The following GJB6 variants were observed in gnomAD, a reference collection of about 807,000 sequenced individuals.
GJB6 encodes gap junction protein beta 6.
Under a neutral mutation model 5.4 loss-of-function variants are expected in GJB6, and 5 were observed. That is an observed-to-expected ratio of 0.92 (90% CI 0.48 to 1.93). The LOEUF (loss-of-function observed/expected upper bound fraction) is 1.93, where lower values mean the gene tolerates loss of function less well. GJB6 is among the 30% of genes most tolerant of loss of function. GJB6 has a pLI of 0.01. For synonymous variants in GJB6, 136 were observed against 129.6 expected (o/e 1.05, Z -0.34); for missense variants, 298 against 326.9 (o/e 0.91, Z 0.68).
chr13:20,223,220 T>A lies in GJB6; in HGVS notation c.261A>T (p.Pro87=), dbSNP rs777309137. The A allele has an allele frequency of 1.2e-5, 19 of 1,610,566 alleles. No individual in the cohort carries two copies. The East Asian group carries it at 4.2e-4, about 36-fold the overall frequency. ...CCACATGCATGGCCACCAGCAGCGCTGGGGTGGAGACGAAGATCAGCTGGA... is the reference window on the plus strand; with the variant it reads ...CCACATGCATGGCCACCAGCAGCGCAGGGGTGGAGACGAAGATCAGCTGGA... ...WALQLIFVST[P]ALLVAMHVAY... The change falls in exon 5 of 5, where the codon CCA becomes CCT. Residue 87 remains proline (P), a synonymous_variant. Coordinates refer to ENST00000647029, the MANE Select transcript of GJB6 (RefSeq NM_001110219.3).
At chr13:20,226,945 G>A (rs945370) in intron 4 of GJB6, among the ~76,000 whole-genome samples, 50,591 of 151,956 alleles carry the variant, frequency 0.33, 9,722 homozygotes, top group Admixed American at 0.52. Context: ...ACGGCACCCC[G>A]TGGTCCCCTG....
rs773325500 is a variant in GJB6 at position 20,223,376 on chromosome 13, G to A, written c.105C>T (p.Ile35=). ...ITVIFIFRVM[I]LVVAAQEVWG... is the part of the protein sequence containing the mutation. ...ACACTTCCTGGGCAGCCACCACGAG[G>A]ATCATGACTCGGAAAATAAAGATGA... Residue 35 remains isoleucine, a synonymous_variant, in exon 5 of 5, where the codon ATC becomes ATT. Transcript: ENST00000647029. The A allele has an allele frequency of 6.2e-7, 1 of 1,614,128 alleles. No homozygotes were observed.
At chr13:20,228,010 C>T (rs1198992369) in intron 4 of GJB6, among the ~76,000 whole-genome samples, 1 of 35,846 alleles carries the variant, frequency 2.8e-5, no homozygotes, top group Non-Finnish European at 5.8e-5. Flanking sequence ...AAAGAAAGCG[C>T]CCAGCCCCCA....
chr13:20,222,541 G>C lies in GJB6; in HGVS notation c.*154C>G, dbSNP rs1340654531. On this transcript the variant is annotated 3_prime_UTR_variant, in exon 5 of 5. Transcript: ENST00000647029. ...TTTGATTACGTTGTGTATGAATGGA[G>C]CAAGTATCCTACAAAAAGTTAACTC... The C allele has an allele frequency of 1.5e-6, 1 of 666,190 alleles. No individual in the cohort carries two copies. The highest frequency in any genetic ancestry group is 2.7e-6 in the Non-Finnish European group (1 of 372,848). The allele number at this position is 666,190 out of a possible 1,614,324, so 41.3% of individuals were successfully genotyped here.
chr13:20,227,599 G>A (rs1869681367), intron 4 of GJB6, among the ~76,000 whole-genome samples: 2 of 152,168 alleles, frequency 1.3e-5, no homozygotes, highest in Admixed American at 1.3e-4. Context: ...GTGAGACAGT[G>A]GCTCTTTCCA....
chr13:20,229,939 C>G lies in GJB6; in HGVS notation c.-185-190G>C, dbSNP rs539917082. ...TGAACACACAAAATAATCAAAGGTGCTCTTTAGTAGGATCCTTTCCCTATC... is the reference window on the plus strand; with the variant it reads ...TGAACACACAAAATAATCAAAGGTGGTCTTTAGTAGGATCCTTTCCCTATC... On this transcript the variant is annotated intron_variant, in intron 3 of 4. Coordinates refer to ENST00000647029, the MANE Select transcript of GJB6 (RefSeq NM_001110219.3). 2.0e-5 allele frequency: 3 copies of G among 152,054 alleles called. No homozygotes were observed. In the South Asian group the frequency reaches 6.2e-4, roughly 32 times the overall value. 9.4% of individuals were successfully genotyped at this position (152,054 alleles called of 1,614,324 possible).
intron 4 of GJB6, among the ~76,000 whole-genome samples, chr13:20,229,009 T>G (rs1311579135): frequency 6.6e-6 from 1 of 150,960 alleles, no homozygotes; most frequent in Non-Finnish European, 1.5e-5. Context: ...CTTATTTATC[T>G]ATGCCATTAT....
intron 4 of GJB6, among the ~76,000 whole-genome samples, chr13:20,228,562 C>T (rs551784428): frequency 2.7e-4 from 41 of 151,640 alleles, no homozygotes; most frequent in Non-Finnish European, 4.9e-4. Context: ...CGGCTCACTG[C>T]AAGCTCCGCC....
At position 20,222,700 on chromosome 13, in the gene GJB6, T is replaced by A. The variant is rs143962007; in HGVS notation, c.781A>T (p.Ser261Cys). The stretch of plus-strand genomic sequence containing the variant: ...TACATTTTACCTTGAAATGTTTAGC[T>A]TGGGAAACCTGTGATTGCATTTTGA... ...SGQNAITGFP[S>C] The change falls in exon 5 of 5, where the codon AGC (serine) becomes TGC (cysteine). Residue 261 changes from serine to cysteine, a missense_variant. Ser to Cys is a moderately radical substitution (Grantham distance 112). Transcript: ENST00000647029. 1.2e-6 allele frequency: 2 copies of A among 1,613,998 alleles called. No individual in the cohort carries two copies. Among genetic ancestry groups the A allele is most frequent in the Non-Finnish European group, 8.5e-7 (1 of 1,179,828 alleles).
chr13:20,227,219 G>A (rs945368), intron 4 of GJB6, among the ~76,000 whole-genome samples: 1 of 151,772 alleles, frequency 6.6e-6, no homozygotes, highest in African/African-American at 2.4e-5. Context: ...AAGCCACACG[G>A]TCTGAGGGTG....
intron 4 of GJB6, among the ~76,000 whole-genome samples, chr13:20,224,398 A>C (rs1869436720): frequency 6.6e-6 from 1 of 152,244 alleles, no homozygotes; most frequent in Non-Finnish European, 1.5e-5. Flanking sequence ...ACTACTGAGA[A>C]AGCCTCTTCT....
chr13:20,228,640 A>T (rs776348154), intron 4 of GJB6, among the ~76,000 whole-genome samples: 2 of 150,536 alleles, frequency 1.3e-5, no homozygotes, highest in Non-Finnish European at 3.0e-5. Context: ...GCCTGCCACC[A>T]AGCCCGGCTA....
At chr13:20,227,212 C>T (rs184691122) in intron 4 of GJB6, among the ~76,000 whole-genome samples, 1 of 152,108 alleles carries the variant, frequency 6.6e-6, no homozygotes, top group African/African-American at 2.4e-5. Context: ...GGTCCCCAAG[C>T]CACACGGTCT....
rs543659673 is a variant in GJB6, at chr13:20,223,370, C to T, written c.111G>A (p.Val37=). 1.1e-4 allele frequency: 180 copies of T among 1,614,170 alleles called. 1 individual carries two copies. In the South Asian group the frequency reaches 1.9e-3, roughly 17 times the overall value. ...VIFIFRVMIL[V]VAAQEVWGDE... is the part of the protein sequence containing the mutation. Reference sequence around the variant, plus strand: ...CACCCCACACTTCCTGGGCAGCCACCACGAGGATCATGACTCGGAAAATAA... The same window carrying T: ...CACCCCACACTTCCTGGGCAGCCACTACGAGGATCATGACTCGGAAAATAA... Residue 37 remains valine, a synonymous_variant, in exon 5 of 5, where the codon GTG becomes GTA. Coordinates refer to ENST00000647029, the MANE Select transcript of GJB6 (RefSeq NM_001110219.3).
chr13:20,225,023 C>T (rs547614320), intron 4 of GJB6, among the ~76,000 whole-genome samples: 1 of 152,326 alleles, frequency 6.6e-6, no homozygotes, highest in Middle Eastern at 3.4e-3. Flanking sequence ...AGTGCCTTGG[C>T]CTCAGAGTGG....
chr13:20,227,038 G>A (rs1869632168), intron 4 of GJB6, among the ~76,000 whole-genome samples: 1 of 152,094 alleles, frequency 6.6e-6, no homozygotes, highest in Non-Finnish European at 1.5e-5. Flanking sequence ...TAAAGTCACA[G>A]AAAAGGTCAA....
At chr13:20,225,968 G>A (rs895164999) in intron 4 of GJB6, among the ~76,000 whole-genome samples, 10 of 152,174 alleles carry the variant, frequency 6.6e-5, no homozygotes, top group African/African-American at 2.4e-4. Flanking sequence ...GCACAAGGTT[G>A]CGAAAAAGAG....
chr13:20,228,908 A>T (rs1240009874), intron 4 of GJB6, among the ~76,000 whole-genome samples: 2 of 152,010 alleles, frequency 1.3e-5, no homozygotes, highest in South Asian at 4.1e-4. Flanking sequence ...TTCCTTTTAC[A>T]ATTCAAATAA....
intron 1 of GJB6, among the ~76,000 whole-genome samples, chr13:20,231,900 G>A (rs180741499): frequency 8.5e-5 from 13 of 152,372 alleles, no homozygotes; most frequent in African/African-American, 3.1e-4. Context: ...TACAGAGAGA[G>A]GGTCCAGCGC....
Sources: allele counts gnomAD v4.1 joint callset (sites outside exome capture counted in the v4.1 genomes callset), GRCh38; gene constraint gnomAD v4.1.1; transcripts MANE v1.5; gene names NCBI Gene and HGNC (gene_info 2026-07-23, HGNC 2026-07-21).